PTPRD: variants seen among roughly 807,000 people sequenced by gnomAD.
The protein encoded by PTPRD is protein tyrosine phosphatase receptor type D.
A neutral mutation model predicts 214.5 loss-of-function variants in PTPRD; 34 were observed. The ratio of observed to expected loss-of-function variants is 0.16; its 90% confidence interval spans 0.12 to 0.21. The LOEUF is 0.21. Ranked by LOEUF, PTPRD falls within the 10% of genes least tolerant of loss-of-function variation. The pLI is 1.00. For synonymous variants in PTPRD, 1,128 were observed against 845.7 expected (o/e 1.33, Z -5.79); for missense variants, 2,545 against 2,398.7 (o/e 1.06, Z -1.27).
At chr9:8,945,387 G>A (rs940413137) in intron 11 of PTPRD, among the ~76,000 whole-genome samples, 1 of 151,906 alleles carries the variant, frequency 6.6e-6, no homozygotes, top group African/African-American at 2.4e-5. Context: ...ACCAAGACTT[G>A]TTCATCTTTT....
At chr9:9,842,606 T>G (rs971201281) in intron 5 of PTPRD, among the ~76,000 whole-genome samples, 3 of 151,816 alleles carry the variant, frequency 2.0e-5, no homozygotes, top group African/African-American at 7.2e-5. Flanking sequence ...ATATTCTGAT[T>G]ATGAAGAAAA....
intron 2 of PTPRD, among the ~76,000 whole-genome samples, chr9:10,524,611 G>T (rs1039771211): frequency 6.6e-6 from 1 of 151,946 alleles, no homozygotes; most frequent in Non-Finnish European, 1.5e-5. Context: ...TTTTCAATAA[G>T]GATATGTGTT....
intron 9 of PTPRD, among the ~76,000 whole-genome samples, chr9:9,286,118 A>G (rs976363181): frequency 6.6e-6 from 1 of 151,780 alleles, no homozygotes; most frequent in Non-Finnish European, 1.5e-5. Flanking sequence ...GACAACCCGG[A>G]TATTCTATCC....
chr9:9,176,016 A>C (rs1455365139), intron 10 of PTPRD, among the ~76,000 whole-genome samples: 1 of 152,178 alleles, frequency 6.6e-6, no homozygotes, highest in Non-Finnish European at 1.5e-5. Context: ...CTTCCCTCAG[A>C]ATAACAAATG....
chr9:9,884,648 A>G (rs915119017), intron 5 of PTPRD, among the ~76,000 whole-genome samples: 8 of 152,164 alleles, frequency 5.3e-5, no homozygotes, highest in African/African-American at 1.9e-4. Context: ...ATTTTGAGTT[A>G]TAGTTTCCAT....
chr9:8,818,572 A>G (rs2096971555), intron 11 of PTPRD, among the ~76,000 whole-genome samples: 1 of 152,222 alleles, frequency 6.6e-6, no homozygotes, highest in Non-Finnish European at 1.5e-5. Flanking sequence ...TGAGACTCAG[A>G]AAGGTTAAGC....
At chr9:10,224,510 C>A (rs1020790185) in intron 3 of PTPRD, among the ~76,000 whole-genome samples, 1 of 151,906 alleles carries the variant, frequency 6.6e-6, no homozygotes, top group Non-Finnish European at 1.5e-5. Flanking sequence ...TTTAAATTAT[C>A]GTATGATTTT....
chr9:8,452,480 G>A (rs2133686702), intron 33 of PTPRD, among the ~76,000 whole-genome samples: 1 of 152,172 alleles, frequency 6.6e-6, no homozygotes, highest in East Asian at 1.9e-4. Flanking sequence ...CAACATGAAT[G>A]TAACTAGTAA....
chr9:9,700,914 C>T (rs963285815), intron 7 of PTPRD, among the ~76,000 whole-genome samples: 2 of 151,864 alleles, frequency 1.3e-5, no homozygotes, highest in East Asian at 3.9e-4. Context: ...TGTAAACAAA[C>T]CATTACAATA....
At chr9:9,507,593 G>C (rs1432316782) in intron 8 of PTPRD, among the ~76,000 whole-genome samples, 2 of 151,310 alleles carry the variant, frequency 1.3e-5, no homozygotes, top group South Asian at 4.1e-4. Context: ...AATTATGAAT[G>C]TTTTATATTT....
intron 3 of PTPRD, among the ~76,000 whole-genome samples, chr9:10,127,244 C>A (rs1325261915): frequency 6.6e-6 from 1 of 152,100 alleles, no homozygotes; most frequent in African/African-American, 2.4e-5. Context: ...AGTACTGGCA[C>A]ACAAGACCAA....
At chr9:8,916,445 G>C (rs893283229) in intron 11 of PTPRD, among the ~76,000 whole-genome samples, 1 of 152,130 alleles carries the variant, frequency 6.6e-6, no homozygotes, top group Non-Finnish European at 1.5e-5. Flanking sequence ...AGAGGATGGG[G>C]TAAGTGGGGG....
chr9:10,056,278 G>A (rs961955828), intron 3 of PTPRD, among the ~76,000 whole-genome samples: 2 of 150,378 alleles, frequency 1.3e-5, no homozygotes, highest in African/African-American at 2.5e-5. Context: ...CTGAGATCAC[G>A]CCACTGCATT....
At chr9:8,967,456 T>C (rs988923362) in intron 11 of PTPRD, among the ~76,000 whole-genome samples, 1 of 151,942 alleles carries the variant, frequency 6.6e-6, no homozygotes, top group Non-Finnish European at 1.5e-5. Context: ...ATAAAGAAAA[T>C]GTGGTACATA....
chr9:8,691,884 C>A (rs7874688), intron 12 of PTPRD, among the ~76,000 whole-genome samples: 34,520 of 152,052 alleles, frequency 0.23, 4,102 homozygotes, highest in East Asian at 0.32. Context: ...TGCATTTCAA[C>A]AACAAAAGTC....
chr9:10,524,582 A>C (rs1177106813), intron 2 of PTPRD, among the ~76,000 whole-genome samples: 1 of 152,096 alleles, frequency 6.6e-6, no homozygotes, highest in Non-Finnish European at 1.5e-5. Flanking sequence ...TCCGTCAAAA[A>C]TCTTTAAAAG....
At chr9:10,190,798 A>G (rs143831547) in intron 3 of PTPRD, among the ~76,000 whole-genome samples, 1,644 of 151,452 alleles carry the variant, frequency 0.011, 16 homozygotes, top group Middle Eastern at 0.041. Flanking sequence ...ATGCAGTTGT[A>G]CAACGTGAGG....
chr9:9,086,531 G>C (rs1469206089), intron 10 of PTPRD, among the ~76,000 whole-genome samples: 1 of 152,082 alleles, frequency 6.6e-6, no homozygotes, highest in Non-Finnish European at 1.5e-5. Context: ...ATAAGCCCTA[G>C]ATTGGATTCT....
At chr9:8,817,152 T>C (rs1387497625) in intron 11 of PTPRD, among the ~76,000 whole-genome samples, 1 of 152,226 alleles carries the variant, frequency 6.6e-6, no homozygotes, top group Non-Finnish European at 1.5e-5. Context: ...AGTTTCACAC[T>C]AGGGCAACTC....
Sources: allele counts gnomAD v4.1 joint callset (sites outside exome capture counted in the v4.1 genomes callset), GRCh38; gene constraint gnomAD v4.1.1; transcripts MANE v1.5; gene names NCBI Gene and HGNC (gene_info 2026-07-23, HGNC 2026-07-21).